THSD7B: variants seen among roughly 807,000 people sequenced by gnomAD.
THSD7B encodes the protein thrombospondin type-1 domain-containing protein 7B.
THSD7B carries 138 observed loss-of-function variants against 213.6 expected under a neutral mutation model. That is an observed-to-expected ratio of 0.65 (90% CI 0.56 to 0.74). THSD7B has a LOEUF of 0.74. Ranked by LOEUF, THSD7B falls within the 30% of genes least tolerant of loss-of-function variation. THSD7B has a pLI of 0.00. For missense variants in THSD7B, 1,931 were observed against 1,991.5 expected (o/e 0.97, Z 0.58); for synonymous variants, 742 against 687.0 (o/e 1.08, Z -1.25).
chr2:136,982,574 A>G (rs1685600799), intron 2 of THSD7B, among the ~76,000 whole-genome samples: 3 of 152,184 alleles, frequency 2.0e-5, no homozygotes, highest in Non-Finnish European at 4.4e-5. Flanking sequence ...CCCATAAGAC[A>G]AAACTTTTTA....
chr2:136,943,879 C>T (rs936435435), intron 2 of THSD7B, among the ~76,000 whole-genome samples: 1 of 152,278 alleles, frequency 6.6e-6, no homozygotes. Flanking sequence ...GTCTCTATCT[C>T]CTTCAGTTCT....
intron 17 of THSD7B, among the ~76,000 whole-genome samples, chr2:137,596,022 A>T (rs1037792639): frequency 6.6e-6 from 1 of 152,032 alleles, no homozygotes; most frequent in Admixed American, 6.6e-5. Context: ...ACAGAGAGCT[A>T]TACAAAATAG....
intron 1 of THSD7B, among the ~76,000 whole-genome samples, chr2:136,854,161 C>T (rs565490599): frequency 1.3e-5 from 2 of 151,876 alleles, no homozygotes; most frequent in South Asian, 4.2e-4. Context: ...GCTTCTAGGC[C>T]CTCTTAGGAA....
intron 15 of THSD7B, among the ~76,000 whole-genome samples, chr2:137,457,668 T>C (rs1687789175): frequency 6.6e-6 from 1 of 152,234 alleles, no homozygotes; most frequent in South Asian, 2.1e-4. Flanking sequence ...CATTACAACC[T>C]GCTTTTCAAA....
In THSD7B at chr2:137,054,836, C is replaced by T. The variant is rs537723810; in HGVS notation, c.140-1584C>T. On this transcript the variant is annotated intron_variant, in intron 2 of 27. Transcript: ENST00000409968. ...CATGCAGGTTTGTTACATAGGTATA[C>T]ATGTGCCATGGTGGTTTGCTGCACC... Among the ~76,000 whole-genome samples, 7 of 151,838 alleles carry T rather than the reference C, an allele frequency of 4.6e-5. No homozygotes were observed. In the South Asian group the frequency reaches 1.5e-3, roughly 32 times the overall value.
At chr2:137,300,850 G>A (rs568504820) in intron 12 of THSD7B, among the ~76,000 whole-genome samples, 1 of 152,234 alleles carries the variant, frequency 6.6e-6, no homozygotes, top group East Asian at 1.9e-4. Flanking sequence ...AAGAACTCGT[G>A]TAGTGACTGA....
At chr2:136,807,296 T>G (rs969720393) in intron 1 of THSD7B, among the ~76,000 whole-genome samples, 4 of 152,156 alleles carry the variant, frequency 2.6e-5, no homozygotes, top group Non-Finnish European at 4.4e-5. Context: ...CCTTCATTTA[T>G]TTATTTATTC....
chr2:137,224,824 T>TTG (rs1681459110), intron 7 of THSD7B, among the ~76,000 whole-genome samples: 1 of 122,414 alleles, frequency 8.2e-6, no homozygotes, highest in Admixed American at 8.3e-5. Context: ...TTGAAGAACT[T>TTG]TGTATACCCA....
chr2:137,331,583 C>T (rs2104893988), intron 12 of THSD7B, among the ~76,000 whole-genome samples: 1 of 152,352 alleles, frequency 6.6e-6, no homozygotes, highest in African/African-American at 2.4e-5. Flanking sequence ...GTGGAGCTGC[C>T]TGCCAGTCCT....
rs550943076 is a variant in THSD7B, at chr2:136,885,232, G to T, written c.139+2915G>T. 1.3e-3 allele frequency among the ~76,000 whole-genome samples: 203 copies of T among 152,202 alleles called. 1 individual carries two copies. The highest frequency in any genetic ancestry group is 2.3e-3 in the South Asian group (11 of 4,822). ...TGTCAACCACTTTACTCTTTTGCTG[G>T]TGTCTATTGTTCCCCACCCCCACAC... is the stretch of plus-strand genomic sequence containing the variant. On this transcript the variant is annotated intron_variant, in intron 2 of 27. Transcript: ENST00000409968.
At chr2:137,413,435 A>C (rs984735579) in intron 14 of THSD7B, among the ~76,000 whole-genome samples, 3 of 152,252 alleles carry the variant, frequency 2.0e-5, no homozygotes, top group African/African-American at 4.8e-5. Flanking sequence ...GAACAAATAC[A>C]TAAAAAGAAT....
chr2:137,405,488 C>A, intron 12 of THSD7B, 125 bp from the exon 13 acceptor site: 1 of 736,528 alleles, frequency 1.4e-6, no homozygotes, highest in Non-Finnish European at 2.1e-6. Context: ...CTATGTTGAA[C>A]ACCGTTTGCA....
At chr2:137,617,504 A>G (rs1209616597) in intron 18 of THSD7B, among the ~76,000 whole-genome samples, 1 of 152,204 alleles carries the variant, frequency 6.6e-6, no homozygotes. Flanking sequence ...GAAAAAATAT[A>G]GTTTCTGTAA....
chr2:136,909,642 A>G (rs1286568783), intron 2 of THSD7B, among the ~76,000 whole-genome samples: 1 of 152,232 alleles, frequency 6.6e-6, no homozygotes, highest in African/African-American at 2.4e-5. Context: ...ATACTAATCA[A>G]GCAGTATCTA....
intron 15 of THSD7B, among the ~76,000 whole-genome samples, chr2:137,498,275 A>C (rs536690336): frequency 6.6e-6 from 1 of 152,304 alleles, no homozygotes; most frequent in South Asian, 2.1e-4. Context: ...CAAGAAATAA[A>C]AGATGAATTA....
chr2:137,584,152 T>C (rs1359840212), intron 17 of THSD7B, among the ~76,000 whole-genome samples: 1 of 152,002 alleles, frequency 6.6e-6, no homozygotes, highest in East Asian at 1.9e-4. Context: ...CTGTTATTGC[T>C]GTATAGGAAT....
chr2:137,620,777 A>C, intron 20 of THSD7B, 51 bp downstream of exon 20: 1 of 1,446,590 alleles, frequency 6.9e-7, no homozygotes, highest in Non-Finnish European at 9.6e-7. Context: ...TCTAAATATC[A>C]TTCAGTATGC....
chr2:137,656,761 C>A (rs1683243695), intron 22 of THSD7B, 35 bp from the exon 23 acceptor site: 8 of 1,578,762 alleles, frequency 5.1e-6, no homozygotes, highest in Non-Finnish European at 6.9e-6. Context: ...ACTTTTCATG[C>A]TGTTTTCTCC....
intron 15 of THSD7B, among the ~76,000 whole-genome samples, chr2:137,484,170 C>CT (rs1307365284): frequency 1.5e-5 from 2 of 129,394 alleles, no homozygotes; most frequent in Non-Finnish European, 3.2e-5. Flanking sequence ...TCCCTCCCCC[C>CT]TCCCCCCACC....
Sources: allele counts gnomAD v4.1 joint callset (sites outside exome capture counted in the v4.1 genomes callset), GRCh38; gene constraint gnomAD v4.1.1; transcripts MANE v1.5; gene names NCBI Gene and HGNC (gene_info 2026-07-23, HGNC 2026-07-21).